The following AP1AR variants were observed in gnomAD, a reference collection of about 807,000 sequenced individuals.
AP1AR encodes the protein AP-1 complex-associated regulatory protein.
A neutral mutation model predicts 46.3 loss-of-function variants in AP1AR; 29 were observed. The observed-to-expected ratio is 0.63, with a 90% CI of 0.47 to 0.85. The LOEUF is 0.85. AP1AR is among the 40% of genes least tolerant of loss of function. AP1AR has a pLI of 0.00. For missense variants in AP1AR, 357 were observed against 356.3 expected, an observed-to-expected ratio of 1.00 and a Z score of -0.02; for synonymous variants, 122 against 122.9, an observed-to-expected ratio of 0.99 and a Z score of 0.05.
Position 112,262,970 on chromosome 4 carries a change from C to T in AP1AR, c.283-18C>T, listed in dbSNP as rs745708276. The T allele has an allele frequency of 7.0e-6, 11 of 1,577,998 alleles. No homozygotes were observed. The African/African-American group carries it at 8.1e-5, about 12-fold the overall frequency. On this transcript the variant is annotated intron_variant, in intron 5 of 9. Coordinates refer to ENST00000274000, the MANE Select transcript of AP1AR (RefSeq NM_018569.6). Reference sequence around the variant, plus strand: ...GGTTCTGATTTTTGTTAATCCTTATCGTTTTGTTCATGTACAGTTAGCCTT... The same window carrying T: ...GGTTCTGATTTTTGTTAATCCTTATTGTTTTGTTCATGTACAGTTAGCCTT...
intron 1 of AP1AR, among the ~76,000 whole-genome samples, chr4:112,239,588 C>G (rs533311343): frequency 6.6e-6 from 1 of 152,196 alleles, no homozygotes; most frequent in Non-Finnish European, 1.5e-5. Flanking sequence ...TCCTCAAGAC[C>G]AGATGATGTC....
At chr4:112,247,943 A>G (rs1327021470) in intron 1 of AP1AR, among the ~76,000 whole-genome samples, 1 of 152,204 alleles carries the variant, frequency 6.6e-6, no homozygotes, top group African/African-American at 2.4e-5. Flanking sequence ...TAAATATCCT[A>G]ACTTACAGAT....
At chr4:112,244,393 T>A (rs1725635574) in intron 1 of AP1AR, among the ~76,000 whole-genome samples, 1 of 152,200 alleles carries the variant, frequency 6.6e-6, no homozygotes, top group Non-Finnish European at 1.5e-5. Flanking sequence ...CCCTGTTGTA[T>A]TGCCACAGCA....
intron 1 of AP1AR, among the ~76,000 whole-genome samples, chr4:112,235,456 C>G (rs1016927505): frequency 2.6e-5 from 4 of 152,174 alleles, no homozygotes. Context: ...AAGTTGCTTT[C>G]AGGCAATAGT....
At chr4:112,249,661 AAT>A (rs148269598) in intron 1 of AP1AR, among the ~76,000 whole-genome samples, 1 of 151,308 alleles carries the variant, frequency 6.6e-6, no homozygotes, top group African/African-American at 2.4e-5. Flanking sequence ...TCAAAAAAGA[AAT>A]ATATATATAT....
intron 4 of AP1AR, among the ~76,000 whole-genome samples, chr4:112,258,178 T>G (rs1371755104): frequency 6.6e-6 from 1 of 152,202 alleles, no homozygotes; most frequent in Non-Finnish European, 1.5e-5. Flanking sequence ...AACTAAAACC[T>G]TATGCTATAA....
Position 112,265,309 on chromosome 4 carries a change from T to C in AP1AR, c.440+242T>C, listed in dbSNP as rs1369147421. The C allele has an allele frequency of 2.2e-5, 9 of 406,118 alleles. No homozygotes were observed. The East Asian group carries it at 3.7e-4, about 17-fold the overall frequency. The allele number at this position is 406,118 out of a possible 1,614,324, so 25.2% of individuals were successfully genotyped here. ...GGTCTCATTTCCCATATAGATGTGA[T>C]ACAATAGCTGAATGCCTTTGGGTGA... is the stretch of plus-strand genomic sequence containing the variant. On this transcript the variant is annotated intron_variant, in intron 7 of 9. Coordinates refer to ENST00000274000, the MANE Select transcript of AP1AR (RefSeq NM_018569.6).
At chr4:112,250,136 T>G (rs928173761) in intron 1 of AP1AR, among the ~76,000 whole-genome samples, 1 of 152,202 alleles carries the variant, frequency 6.6e-6, no homozygotes, top group Non-Finnish European at 1.5e-5. Context: ...CCGCTTACCC[T>G]TCACTTACAT....
At position 112,270,061 on chromosome 4, in the gene AP1AR, T is replaced by A. The variant is rs1322870528; in HGVS notation, c.*1652T>A. On this transcript the variant is annotated 3_prime_UTR_variant, in exon 10 of 10. Transcript: ENST00000274000. ...ATTTTTACACTTAAAGGTAATAAGT[T>A]ATTTGACTATTATTGGTTTTACTCC... is the stretch of plus-strand genomic sequence containing the variant. 6.6e-6 allele frequency: 1 copy of A among 152,620 alleles called. No homozygotes were observed. The highest frequency in any genetic ancestry group is 1.9e-4 in the East Asian group (1 of 5,202). The allele number at this position is 152,620 out of a possible 1,614,324, so 9.5% of individuals were successfully genotyped here. A position where few individuals can be genotyped will look rare whatever the true frequency, so the allele number is the denominator to read the frequency against.
chr4:112,248,106 A>G (rs1361055249), intron 1 of AP1AR, among the ~76,000 whole-genome samples: 2 of 152,236 alleles, frequency 1.3e-5, no homozygotes, highest in African/African-American at 4.8e-5. Context: ...TACAGGGGAT[A>G]GAAGAAAAAG....
At chr4:112,242,511 TC>T (rs1725548275) in intron 1 of AP1AR, among the ~76,000 whole-genome samples, 1 of 152,128 alleles carries the variant, frequency 6.6e-6, no homozygotes, top group African/African-American at 2.4e-5. Context: ...AGATTGGGCA[TC>T]TGCATCTGGT....
At chr4:112,233,424 T>C (rs145712874) in intron 1 of AP1AR, among the ~76,000 whole-genome samples, 249 of 152,360 alleles carry the variant, frequency 1.6e-3, no homozygotes, top group African/African-American at 5.3e-3. Context: ...TTGTTTTATC[T>C]TGTCATCCAG....
chr4:112,245,166 A>G (rs1725671246), intron 1 of AP1AR, among the ~76,000 whole-genome samples: 1 of 152,132 alleles, frequency 6.6e-6, no homozygotes, highest in Non-Finnish European at 1.5e-5. Context: ...ATATACTCCT[A>G]ATTTTTAGTG....
At chr4:112,239,938 A>G (rs72894915) in intron 1 of AP1AR, among the ~76,000 whole-genome samples, 52 of 152,378 alleles carry the variant, frequency 3.4e-4, no homozygotes, top group African/African-American at 1.1e-3. Context: ...TAGACTATCA[A>G]GTGGGTCTAC....
chr4:112,252,135 A>T (rs1725986910), intron 1 of AP1AR, among the ~76,000 whole-genome samples: 1 of 152,146 alleles, frequency 6.6e-6, no homozygotes, highest in Non-Finnish European at 1.5e-5. Context: ...GCTACTGGGG[A>T]GGCTGAGGCA....
intron 1 of AP1AR, among the ~76,000 whole-genome samples, chr4:112,245,580 T>G (rs576579064): frequency 6.6e-6 from 1 of 152,234 alleles, no homozygotes; most frequent in Non-Finnish European, 1.5e-5. Flanking sequence ...AGTTGCTCAA[T>G]AGCCCCTTGT....
Position 112,272,687 on chromosome 4 carries a change from A to G in AP1AR, c.*4278A>G, listed in dbSNP as rs182474775. 2.0e-5 allele frequency among the ~76,000 whole-genome samples: 3 copies of G among 152,272 alleles called. No homozygotes were observed. The highest frequency in any genetic ancestry group is 4.8e-5 in the African/African-American group (2 of 41,552). On this transcript the variant is annotated 3_prime_UTR_variant, in exon 10 of 10. Coordinates refer to ENST00000274000, the MANE Select transcript of AP1AR (RefSeq NM_018569.6). ...TCCAAGTGTACTTTTTTTTGCTTCA[A>G]TAAACTCTTGTTTCTGCCTTAAATA... is the stretch of plus-strand genomic sequence containing the variant.
chr4:112,262,646 C>T (rs1042653421), intron 5 of AP1AR, among the ~76,000 whole-genome samples: 2 of 152,044 alleles, frequency 1.3e-5, no homozygotes. Flanking sequence ...TTTATGAGGG[C>T]CAAAACCGGC....
chr4:112,264,063 C>T (rs539191856), intron 6 of AP1AR, among the ~76,000 whole-genome samples: 1 of 152,122 alleles, frequency 6.6e-6, no homozygotes, highest in African/African-American at 2.4e-5. Flanking sequence ...CCTTCTCCCC[C>T]CAACTTTCCT....
Sources: gnomAD v4.1 joint callset for allele counts (sites outside exome capture counted in the v4.1 genomes callset) on GRCh38, gnomAD v4.1.1 for gene constraint, MANE v1.5 for transcripts, NCBI Gene and HGNC (gene_info 2026-07-23, HGNC 2026-07-21) for gene names.